MS4A13: variants seen among roughly 807,000 people sequenced by gnomAD.
The protein encoded by MS4A13 is membrane-spanning 4-domains subfamily A member 13.
MS4A13 carries 21 observed loss-of-function variants against 18.4 expected under a neutral mutation model. That is an observed-to-expected ratio of 1.14 (90% confidence interval 0.81 to 1.64). The LOEUF (loss-of-function observed/expected upper bound fraction) is 1.64. Ranked by LOEUF, MS4A13 falls within the 40% of genes most tolerant of loss-of-function variation. The pLI, the probability that MS4A13 is intolerant of heterozygous loss-of-function variation, is 0.00. For missense variants in MS4A13, 173 were observed against 176.8 expected (o/e 0.98, Z 0.12); for synonymous variants, 62 against 57.2 (o/e 1.08, Z -0.38).
chr11:60,527,404 C>CTGTGTGTG (rs1565212716), intron 5 of MS4A13, among the ~76,000 whole-genome samples: 794 of 72,818 alleles, frequency 0.011, 5 homozygotes, highest in Non-Finnish European at 0.016. Context: ...CTCTCTCTCT[C>CTGTGTGTG]TCTCTCTGTG....
intron 6 of MS4A13, among the ~76,000 whole-genome samples, chr11:60,540,679 G>T (rs992755750): frequency 3.3e-5 from 5 of 152,106 alleles, no homozygotes; most frequent in Non-Finnish European, 5.9e-5. Context: ...GGCTTGGTTG[G>T]TTAACACCCA....
downstream of MS4A13, among the ~76,000 whole-genome samples, chr11:60,543,190 A>C (rs1293220223): frequency 2.6e-5 from 4 of 152,192 alleles, no homozygotes; most frequent in African/African-American, 9.7e-5. Flanking sequence ...TTTTCAAAGC[A>C]GACAGACTGT....
chr11:60,518,933 C>G (rs2086655949), intron 3 of MS4A13, among the ~76,000 whole-genome samples: 2 of 152,140 alleles, frequency 1.3e-5, no homozygotes. Context: ...GGGGTGATAG[C>G]TGGGGAAACT....
intron 6 of MS4A13, among the ~76,000 whole-genome samples, chr11:60,531,241 G>C (rs1157286176): frequency 6.6e-6 from 1 of 152,046 alleles, no homozygotes; most frequent in African/African-American, 2.4e-5. Flanking sequence ...AAGCAGATAA[G>C]GCCAAGGTCA....
intron 5 of MS4A13, among the ~76,000 whole-genome samples, chr11:60,527,114 C>T (rs1449451688): frequency 6.6e-6 from 1 of 152,180 alleles, no homozygotes; most frequent in Non-Finnish European, 1.5e-5. Flanking sequence ...TACTATACTG[C>T]AAGACTCCCT....
intron 3 of MS4A13, among the ~76,000 whole-genome samples, chr11:60,519,545 A>C (rs2086659934): frequency 6.6e-6 from 1 of 152,098 alleles, no homozygotes; most frequent in African/African-American, 2.4e-5. Context: ...GAAAAGTGAG[A>C]GTGCACAGAT....
chr11:60,533,399 A>G (rs929516738), intron 6 of MS4A13, among the ~76,000 whole-genome samples: 8 of 120,132 alleles, frequency 6.7e-5, no homozygotes, highest in Non-Finnish European at 1.0e-4. Flanking sequence ...AGCCGATGCA[A>G]TCAACTGGAA....
chr11:60,522,340 G>A (rs2086683076), intron 3 of MS4A13, among the ~76,000 whole-genome samples: 1 of 151,754 alleles, frequency 6.6e-6, no homozygotes, highest in South Asian at 2.1e-4. Context: ...GAGAGAATCA[G>A]AGAGTCAAAA....
intron 3 of MS4A13, among the ~76,000 whole-genome samples, chr11:60,518,911 GTA>G (rs1456409902): frequency 2.0e-5 from 3 of 152,192 alleles, no homozygotes; most frequent in Non-Finnish European, 4.4e-5. Context: ...CTGTAATGTG[GTA>G]TAAAGAAATG....
In MS4A13 at chr11:60,527,390, C is replaced by G. The variant is rs1360809264; in HGVS notation, c.307-1975C>G. Among the ~76,000 whole-genome samples the G allele has an allele frequency of 3.1e-3, 384 of 125,252 alleles. 2 individuals carry two copies. The highest frequency in any genetic ancestry group is 0.012 in the African/African-American group (321 of 27,552). 82.2% of individuals were successfully genotyped at this position (125,252 alleles called of 152,430 possible). A position where few individuals can be genotyped will look rare whatever the true frequency, so the allele number is the denominator to read the frequency against. On this transcript the variant is annotated intron_variant, in intron 5 of 6. Transcript: ENST00000378186. ...TCTCTCTCTCTCTCTCTCTCTCTCT[C>G]TCTCTCTCTCTCTCTCTCTCTGTGT...
At position 60,542,652 on chromosome 11, in the gene MS4A13, A is replaced by C. The variant is rs1387910349; in HGVS notation, c.*77A>C. The C allele has an allele frequency of 1.1e-5, 9 of 824,910 alleles. No individual in the cohort carries two copies. Among genetic ancestry groups the C allele is most frequent in the Non-Finnish European group, 1.7e-5 (9 of 533,620 alleles). The allele number at this position is 824,910 out of a possible 1,614,324, so 51.1% of individuals were successfully genotyped here. On this transcript the variant is annotated 3_prime_UTR_variant, in exon 7 of 7. Coordinates refer to ENST00000378186, the MANE Select transcript of MS4A13 (RefSeq NM_001012417.3). ...TAATGATATCTCTGTATAACAAAGC[A>C]GTTACGAAGCCTACAGATTTTGTGC...
At chr11:60,535,522 G>T (rs2086801963) in intron 6 of MS4A13, among the ~76,000 whole-genome samples, 1 of 129,566 alleles carries the variant, frequency 7.7e-6, no homozygotes, top group African/African-American at 3.0e-5. Context: ...TGAAATTGTG[G>T]CAATAATCAA....
intron 6 of MS4A13, among the ~76,000 whole-genome samples, chr11:60,535,552 A>G (rs1490132250): frequency 9.1e-6 from 1 of 110,020 alleles, no homozygotes; most frequent in Admixed American, 1.1e-4. Flanking sequence ...AACCAAAAAG[A>G]GTCCAGGACC....
chr11:60,531,971 G>A (rs2086770663), intron 6 of MS4A13, among the ~76,000 whole-genome samples: 1 of 152,132 alleles, frequency 6.6e-6, no homozygotes, highest in Non-Finnish European at 1.5e-5. Context: ...TGGGAAATGA[G>A]GCAATCAGAA....
chr11:60,528,031 C>T (rs1267296005), intron 5 of MS4A13, among the ~76,000 whole-genome samples: 1 of 152,100 alleles, frequency 6.6e-6, no homozygotes, highest in Non-Finnish European at 1.5e-5. Context: ...TCCTTATCCT[C>T]CTGTTTATAT....
chr11:60,527,394 CTCTCTCTCTCTCTCTCTGTGTGTGTG>C (rs2086723738), intron 5 of MS4A13, among the ~76,000 whole-genome samples: 9 of 115,210 alleles, frequency 7.8e-5, no homozygotes, highest in Admixed American at 4.2e-4. Context: ...CTCTCTCTCT[CTCTCTCTCTCTCTCTCTGTGTGTGTG>C]TGTGTGTGTG....
chr11:60,517,188 A>G (rs1037822540), intron 2 of MS4A13, among the ~76,000 whole-genome samples: 3 of 152,196 alleles, frequency 2.0e-5, no homozygotes, highest in Non-Finnish European at 4.4e-5. Flanking sequence ...TTTTCTTAAA[A>G]AAAAAACAAA....
chr11:60,522,416 TG>T (rs1464623471), intron 3 of MS4A13, among the ~76,000 whole-genome samples: 1 of 151,892 alleles, frequency 6.6e-6, no homozygotes, highest in East Asian at 1.9e-4. Context: ...TGAAGGATAG[TG>T]AGTTATAGAA....
chr11:60,516,936 CTTATA>C (rs1377501771), intron 2 of MS4A13, among the ~76,000 whole-genome samples: 3 of 151,620 alleles, frequency 2.0e-5, no homozygotes, highest in African/African-American at 7.3e-5. Context: ...CACCAGTATG[CTTATA>C]TAAGAGGTAT....
Sources: allele counts gnomAD v4.1 joint callset (sites outside exome capture counted in the v4.1 genomes callset), GRCh38; gene constraint gnomAD v4.1.1; transcripts MANE v1.5; gene names NCBI Gene and HGNC (gene_info 2026-07-23, HGNC 2026-07-21).